Variants in SHLD1 observed in about 807,000 individuals in gnomAD.
SHLD1 encodes the protein shieldin complex subunit 1, also known as RINN1-REV7-interacting novel NHEJ regulator 3.
Under a neutral mutation model 5.5 loss-of-function variants are expected in SHLD1, and 3 were observed. That is an observed-to-expected ratio of 0.54 (90% confidence interval 0.25 to 1.40). The LOEUF is 1.40. Among genes scored for constraint, SHLD1 ranks in the 40% most tolerant of loss-of-function variants. SHLD1 has a pLI of 0.15. For missense variants in SHLD1, 210 were observed against 244.4 expected (o/e 0.86, Z 0.94); for synonymous variants, 92 against 94.3 (o/e 0.98, Z 0.14).
At chr20:5,832,951 G>A (rs1313158058) in intron 2 of SHLD1, among the ~76,000 whole-genome samples, 2 of 152,136 alleles carry the variant, frequency 1.3e-5, no homozygotes, top group Admixed American at 6.5e-5. Flanking sequence ...CCAGGTAGAG[G>A]GTATCTGAGC....
In SHLD1 at chr20:5,797,512, A is replaced by G. The variant is rs538696851; in HGVS notation, c.178+24469A>G. Among the ~76,000 whole-genome samples, 116 of 152,294 alleles carry G rather than the reference A, an allele frequency of 7.6e-4. 1 individual carries two copies. The highest frequency in any genetic ancestry group is 2.6e-3 in the African/African-American group (109 of 41,578). On this transcript the variant is annotated intron_variant, in intron 2 of 2. Coordinates refer to ENST00000303142, the MANE Select transcript of SHLD1 (RefSeq NM_152504.4). The stretch of plus-strand genomic sequence containing the variant: ...TGGAGGTCAAGGCTGCAAGTGAGCT[A>G]TGAACATACCACTGCACTCCAGTCT...
chr20:5,811,700 T>A (rs191492959), intron 2 of SHLD1, among the ~76,000 whole-genome samples: 1 of 151,706 alleles, frequency 6.6e-6, no homozygotes, highest in East Asian at 1.9e-4. Flanking sequence ...ACAAAAAAAT[T>A]TAAAAATTAG....
chr20:5,827,509 G>A (rs1367592908), intron 2 of SHLD1, among the ~76,000 whole-genome samples: 1 of 152,104 alleles, frequency 6.6e-6, no homozygotes, highest in Non-Finnish European at 1.5e-5. Flanking sequence ...ACCCAGCCTG[G>A]AGTCATGGGC....
intron 2 of SHLD1, among the ~76,000 whole-genome samples, chr20:5,861,615 C>T (rs1346553391): frequency 2.6e-5 from 4 of 152,148 alleles, no homozygotes; most frequent in Non-Finnish European, 5.9e-5. Flanking sequence ...TTACCATAGA[C>T]ATTCTAGAAG....
intron 1 of SHLD1, among the ~76,000 whole-genome samples, chr20:5,767,407 G>A (rs1984900413): frequency 6.6e-6 from 1 of 151,988 alleles, no homozygotes; most frequent in Non-Finnish European, 1.5e-5. Context: ...CAAAGTGGTG[G>A]GATTACAGGT....
intron 2 of SHLD1, among the ~76,000 whole-genome samples, chr20:5,787,041 T>C (rs1371773146): frequency 6.6e-6 from 1 of 152,226 alleles, no homozygotes; most frequent in Non-Finnish European, 1.5e-5. Flanking sequence ...AAATGGACAA[T>C]TTCCCCTGTA....
intron 2 of SHLD1, among the ~76,000 whole-genome samples, chr20:5,812,265 GT>G (rs1411022555): frequency 4.6e-5 from 7 of 151,832 alleles, no homozygotes; most frequent in Non-Finnish European, 7.4e-5. Context: ...AGTCCCTAGT[GT>G]TTTTTTCTCA....
chr20:5,754,760 A>G (rs550408475), intron 1 of SHLD1, among the ~76,000 whole-genome samples: 1 of 152,310 alleles, frequency 6.6e-6, no homozygotes, highest in East Asian at 1.9e-4. Flanking sequence ...CAGCATAAAG[A>G]AATGCTTGAG....
At position 5,863,721 on chromosome 20, in the gene SHLD1, C is replaced by T. The variant is rs781155387; in HGVS notation, c.*258C>T. On this transcript the variant is annotated 3_prime_UTR_variant, in exon 3 of 3. Coordinates refer to ENST00000303142, the MANE Select transcript of SHLD1 (RefSeq NM_152504.4). ...ACTGGGCTACGAGTCAAAAGCCCAG[C>T]TCCCTTGCCTCAAGGAAGGACATTC... 2 of 433,906 alleles carry T rather than the reference C, an allele frequency of 4.6e-6. No individual in the cohort carries two copies. Among genetic ancestry groups the T allele is most frequent in the Non-Finnish European group, 8.1e-6 (2 of 245,674 alleles). 26.9% of individuals were successfully genotyped at this position (433,906 alleles called of 1,614,324 possible).
chr20:5,781,401 A>T lies in SHLD1; in HGVS notation c.178+8358A>T, dbSNP rs138997444. On this transcript the variant is annotated intron_variant, in intron 2 of 2. Transcript: ENST00000303142. ...GGACAGAGTGAGACCCTCTTTCTAA[A>T]GAAAGAAAAATATAGAGTGTTCCTG... Among the ~76,000 whole-genome samples, 501 of 152,248 alleles carry T rather than the reference A, an allele frequency of 3.3e-3. 3 individuals carry two copies. Among genetic ancestry groups the T allele is most frequent in the African/African-American group, 9.8e-3 (409 of 41,558 alleles).
intron 2 of SHLD1, among the ~76,000 whole-genome samples, chr20:5,842,307 T>A (rs2122470909): frequency 6.6e-6 from 1 of 152,358 alleles, no homozygotes; most frequent in East Asian, 1.9e-4. Context: ...AAGAATATTG[T>A]CTATTTCAAG....
chr20:5,777,267 G>C (rs985206584), intron 2 of SHLD1, among the ~76,000 whole-genome samples: 15 of 152,122 alleles, frequency 9.9e-5, no homozygotes, highest in African/African-American at 2.7e-4. Context: ...GGGATTACAG[G>C]TGTGAGCCAC....
At chr20:5,847,074 TGAA>T (rs1453609829) in intron 2 of SHLD1, among the ~76,000 whole-genome samples, 2 of 152,142 alleles carry the variant, frequency 1.3e-5, no homozygotes, top group Non-Finnish European at 2.9e-5. Flanking sequence ...GATAGCCATA[TGAA>T]GATCATATTA....
chr20:5,856,173 A>T (rs572997956), intron 2 of SHLD1, among the ~76,000 whole-genome samples: 12 of 152,354 alleles, frequency 7.9e-5, no homozygotes, highest in African/African-American at 2.9e-4. Context: ...CTGACTGAGA[A>T]GGCCTCACTG....
intron 2 of SHLD1, among the ~76,000 whole-genome samples, chr20:5,824,086 T>C (rs988635486): frequency 6.6e-6 from 1 of 152,172 alleles, no homozygotes; most frequent in Non-Finnish European, 1.5e-5. Flanking sequence ...CTCCATCAGC[T>C]CTCTGGGCCC....
At chr20:5,776,405 G>C (rs1282520157) in intron 2 of SHLD1, among the ~76,000 whole-genome samples, 1 of 152,114 alleles carries the variant, frequency 6.6e-6, no homozygotes, top group South Asian at 2.1e-4. Context: ...CCTAGAGAGA[G>C]AGCCTCTTTC....
intron 1 of SHLD1, among the ~76,000 whole-genome samples, chr20:5,770,289 C>T (rs1985084177): frequency 6.6e-6 from 1 of 152,192 alleles, no homozygotes; most frequent in Non-Finnish European, 1.5e-5. Context: ...CGATTTTAAG[C>T]TGCATTCCAT....
At chr20:5,817,910 G>A (rs2087557999) in intron 2 of SHLD1, among the ~76,000 whole-genome samples, 1 of 152,100 alleles carries the variant, frequency 6.6e-6, no homozygotes, top group Admixed American at 6.6e-5. Flanking sequence ...CCCCTTCCCT[G>A]CGCTGTGGTC....
chr20:5,752,618 T>G lies in SHLD1; in HGVS notation c.-5+2139T>G, dbSNP rs143532452. 8.2e-4 allele frequency among the ~76,000 whole-genome samples: 75 copies of G among 91,802 alleles called. 2 individuals carry two copies. Among genetic ancestry groups the G allele is most frequent in the Non-Finnish European group, 1.2e-3 (41 of 34,036 alleles). The allele number at this position is 91,802 out of a possible 152,430, so 60.2% of individuals were successfully genotyped here. ...TGTCAAAGAAATATATTTTGGGGTT[T>G]TTTTTTTTTTTTTTTGAGGCAGAGT... On this transcript the variant is annotated intron_variant, in intron 1 of 2. Coordinates refer to ENST00000303142, the MANE Select transcript of SHLD1 (RefSeq NM_152504.4).
Sources: gnomAD v4.1 joint callset for allele counts (sites outside exome capture counted in the v4.1 genomes callset) on GRCh38, gnomAD v4.1.1 for gene constraint, MANE v1.5 for transcripts, NCBI Gene and HGNC (gene_info 2026-07-23, HGNC 2026-07-21) for gene names.